AFG2A: variants seen among roughly 807,000 people sequenced by gnomAD.
AFG2A encodes ATPase family gene 2 protein homolog A.
At chr4:123,183,979 A>G in the AFG2A span, among the ~76,000 whole-genome samples, 53 of 140,104 alleles carry the variant, frequency 3.8e-4, no homozygotes, top group Middle Eastern at 7.0e-3. Context: ...CATTTATGGT[A>G]GAGATGGGGT....
chr4:123,243,492 G>A, the AFG2A span, among the ~76,000 whole-genome samples: 1 of 151,972 alleles, frequency 6.6e-6, no homozygotes, highest in Non-Finnish European at 1.5e-5. Flanking sequence ...CAAACTATCA[G>A]AAGGACAGAA....
At chr4:123,121,785 G>A in the AFG2A span, among the ~76,000 whole-genome samples, 1 of 152,134 alleles carries the variant, frequency 6.6e-6, no homozygotes, top group East Asian at 1.9e-4. Flanking sequence ...ACACATGACT[G>A]TATTTTGTTC....
the AFG2A span, among the ~76,000 whole-genome samples, chr4:123,279,418 A>G: frequency 1.5e-4 from 2 of 13,304 alleles, no homozygotes; most frequent in Admixed American, 1.2e-3. Context: ...TCAAAAAACA[A>G]AAAAAAAAAG....
At chr4:123,017,414 ATTTTTTTTTTTTTTTT>A in the AFG2A span, among the ~76,000 whole-genome samples, 6 of 74,734 alleles carry the variant, frequency 8.0e-5, no homozygotes, top group Non-Finnish European at 6.7e-5. Context: ...AGCATGGGAA[ATTTTTTTTTTTTTTTT>A]TTTTTTTTTT....
At chr4:123,023,804 C>T in the AFG2A span, among the ~76,000 whole-genome samples, 1 of 152,052 alleles carries the variant, frequency 6.6e-6, no homozygotes, top group African/African-American at 2.4e-5. Context: ...CTGCCAGCTA[C>T]CCTGCACTGT....
the AFG2A span, among the ~76,000 whole-genome samples, chr4:123,108,585 A>G: frequency 6.6e-6 from 1 of 152,102 alleles, no homozygotes; most frequent in Non-Finnish European, 1.5e-5. Context: ...AGTCAGAGGT[A>G]TGTTTTGTTA....
chr4:123,220,539 G>A, the AFG2A span, among the ~76,000 whole-genome samples: 4,787 of 150,364 alleles, frequency 0.032, 269 homozygotes, highest in African/African-American at 0.11. Flanking sequence ...GCTAGAACCC[G>A]GGAGGCAGGG....
chr4:123,177,157 A>G, the AFG2A span, among the ~76,000 whole-genome samples: 1 of 148,604 alleles, frequency 6.7e-6, no homozygotes, highest in African/African-American at 2.5e-5. Flanking sequence ...TTATTTTGTC[A>G]TTTACTTTTT....
the AFG2A span, among the ~76,000 whole-genome samples, chr4:123,095,721 A>T: frequency 6.8e-6 from 1 of 147,682 alleles, no homozygotes; most frequent in African/African-American, 2.5e-5. Flanking sequence ...AAAAAAAAAG[A>T]TCATTGTAGG....
the AFG2A span, among the ~76,000 whole-genome samples, chr4:123,244,564 A>C: frequency 1.3e-5 from 2 of 152,240 alleles, no homozygotes; most frequent in African/African-American, 4.8e-5. Context: ...ACCATCTAAT[A>C]ACTTTAGCAC....
the AFG2A span, among the ~76,000 whole-genome samples, chr4:123,118,609 A>G: frequency 6.6e-6 from 1 of 151,698 alleles, no homozygotes; most frequent in South Asian, 2.1e-4. Flanking sequence ...CAGTACTACA[A>G]AGAGTAATCT....
the AFG2A span, chr4:123,056,534 A>G: frequency 1.0e-6 from 1 of 998,796 alleles, no homozygotes; most frequent in South Asian, 2.5e-5. Flanking sequence ...AGACTTTGGC[A>G]TTTCCGAAGT....
the AFG2A span, chr4:122,923,442 G>T: frequency 8.7e-7 from 1 of 1,155,304 alleles, no homozygotes; most frequent in Non-Finnish European, 1.2e-6. Flanking sequence ...ACAGAAGCGT[G>T]TAAGACTTCT....
the AFG2A span, among the ~76,000 whole-genome samples, chr4:123,091,461 C>A: frequency 6.6e-6 from 1 of 152,050 alleles, no homozygotes; most frequent in Non-Finnish European, 1.5e-5. Context: ...TTTTGAAATT[C>A]TTTGTTTCAT....
At chr4:122,975,245 A>G in the AFG2A span, among the ~76,000 whole-genome samples, 65,280 of 151,928 alleles carry the variant, frequency 0.43, 16,991 homozygotes, top group Non-Finnish European at 0.57. Context: ...TCTCTAAAGG[A>G]GAGGAACGTT....
the AFG2A span, among the ~76,000 whole-genome samples, chr4:123,180,978 CTTTTTTTTTTT>C: frequency 8.4e-6 from 1 of 118,366 alleles, no homozygotes; most frequent in Non-Finnish European, 1.7e-5. Context: ...TCCTCCCCCT[CTTTTTTTTTTT>C]TTTTTTTTTA....
the AFG2A span, among the ~76,000 whole-genome samples, chr4:123,062,187 C>T: frequency 6.6e-6 from 1 of 152,116 alleles, no homozygotes; most frequent in Non-Finnish European, 1.5e-5. Context: ...TGTATACCTC[C>T]CTCTCTCAAT....
At chr4:123,195,298 G>T in the AFG2A span, among the ~76,000 whole-genome samples, 2 of 152,152 alleles carry the variant, frequency 1.3e-5, no homozygotes, top group Admixed American at 6.5e-5. Context: ...TCAGAATTAT[G>T]TTGAAGCTAA....
chr4:123,109,016 C>G, the AFG2A span, among the ~76,000 whole-genome samples: 3 of 152,156 alleles, frequency 2.0e-5, no homozygotes, highest in African/African-American at 7.2e-5. Context: ...TTTGCTACTG[C>G]ATTTATAAAC....
Sources: allele counts gnomAD v4.1 joint callset (sites outside exome capture counted in the v4.1 genomes callset), GRCh38; gene constraint gnomAD v4.1.1; transcripts MANE v1.5; gene names NCBI Gene and HGNC (gene_info 2026-07-23, HGNC 2026-07-21).